The following EPSTI1 variants were observed in gnomAD, a reference collection of about 807,000 sequenced individuals.
EPSTI1 encodes epithelial-stromal interaction protein 1.
In EPSTI1, 66 loss-of-function variants were observed where a neutral mutation model predicts 49.9. That is an observed-to-expected ratio of 1.32 (90% CI 1.08 to 1.62). EPSTI1 has a LOEUF of 1.62. EPSTI1 is among the 40% of genes most tolerant of loss of function. The pLI, the probability that EPSTI1 is intolerant of heterozygous loss-of-function variation, is 0.00. For synonymous variants in EPSTI1, 137 were observed against 130.7 expected, an observed-to-expected ratio of 1.05 and a Z score of -0.33; for missense variants, 394 against 365.5, an observed-to-expected ratio of 1.08 and a Z score of -0.64.
At chr13:42,898,454 T>C (rs2037259265) in intron 9 of EPSTI1, among the ~76,000 whole-genome samples, 1 of 152,182 alleles carries the variant, frequency 6.6e-6, no homozygotes, top group Non-Finnish European at 1.5e-5. Context: ...GAGCATAAAA[T>C]ATATATTTAA....
chr13:42,946,393 C>A (rs1023165153), intron 6 of EPSTI1, among the ~76,000 whole-genome samples: 3 of 152,120 alleles, frequency 2.0e-5, no homozygotes, highest in African/African-American at 7.2e-5. Context: ...GCTTTTCCAA[C>A]TGAGGTTTTT....
chr13:42,974,953 AC>A (rs1839551841), intron 1 of EPSTI1, among the ~76,000 whole-genome samples: 1 of 152,200 alleles, frequency 6.6e-6, no homozygotes, highest in Non-Finnish European at 1.5e-5. Flanking sequence ...TAAGTGAAAA[AC>A]ATAATTTCAA....
chr13:42,978,755 A>T (rs1437662857), intron 1 of EPSTI1, among the ~76,000 whole-genome samples: 2 of 152,200 alleles, frequency 1.3e-5, no homozygotes, highest in East Asian at 3.8e-4. Flanking sequence ...CATCTATTGC[A>T]TTGTATGTAA....
At chr13:42,925,193 C>T (rs1940637341) in intron 7 of EPSTI1, among the ~76,000 whole-genome samples, 1 of 152,168 alleles carries the variant, frequency 6.6e-6, no homozygotes, top group Non-Finnish European at 1.5e-5. Flanking sequence ...ATACAGAAGC[C>T]TTGGGGGGCC....
At chr13:42,979,895 C>T (rs2039957076) in intron 1 of EPSTI1, among the ~76,000 whole-genome samples, 1 of 151,922 alleles carries the variant, frequency 6.6e-6, no homozygotes, top group Non-Finnish European at 1.5e-5. Flanking sequence ...AAATTGTTTC[C>T]ATTTTAATAT....
At chr13:42,889,539 A>G (rs1392313408) in intron 10 of EPSTI1, among the ~76,000 whole-genome samples, 1 of 152,154 alleles carries the variant, frequency 6.6e-6, no homozygotes, top group African/African-American at 2.4e-5. Context: ...CTGTGAATTG[A>G]GGCATAGCTT....
intron 1 of EPSTI1, among the ~76,000 whole-genome samples, chr13:42,974,463 C>A (rs2039836835): frequency 6.6e-6 from 1 of 152,114 alleles, no homozygotes; most frequent in South Asian, 2.1e-4. Flanking sequence ...TGAGACCATC[C>A]TGGCTAACAC....
At chr13:42,984,155 T>C (rs975756558) in intron 1 of EPSTI1, among the ~76,000 whole-genome samples, 3 of 152,216 alleles carry the variant, frequency 2.0e-5, no homozygotes, top group Non-Finnish European at 4.4e-5. Flanking sequence ...ACCATCTATA[T>C]TGAGCCATCA....
intron 5 of EPSTI1, among the ~76,000 whole-genome samples, chr13:42,955,877 T>TGGG (rs57603932): frequency 2.7e-3 from 285 of 105,380 alleles, no homozygotes; most frequent in African/African-American, 0.012. Flanking sequence ...AAGAAGTATT[T>TGGG]GGGGGGGGGG....
At chr13:42,890,145 A>G (rs987153875) in intron 10 of EPSTI1, among the ~76,000 whole-genome samples, 1 of 152,166 alleles carries the variant, frequency 6.6e-6, no homozygotes, top group African/African-American at 2.4e-5. Context: ...TTTAGGAGTG[A>G]ATTGGTTACT....
At chr13:42,893,669 T>C (rs2153408748) in intron 10 of EPSTI1, among the ~76,000 whole-genome samples, 1 of 152,288 alleles carries the variant, frequency 6.6e-6, no homozygotes, top group East Asian at 1.9e-4. Flanking sequence ...CTATGCAATA[T>C]CCATTTATGC....
chr13:42,902,627 C>T (rs768135595), intron 8 of EPSTI1, among the ~76,000 whole-genome samples: 1 of 151,964 alleles, frequency 6.6e-6, no homozygotes, highest in African/African-American at 2.4e-5. Context: ...AACCAGAAAA[C>T]CTTAATATTT....
intron 7 of EPSTI1, among the ~76,000 whole-genome samples, chr13:42,924,758 T>C (rs2038120788): frequency 6.6e-6 from 1 of 152,194 alleles, no homozygotes; most frequent in Non-Finnish European, 1.5e-5. Context: ...CTGATGAATT[T>C]AGACTTTAGA....
chr13:42,901,644 T>C (rs1815020715), intron 8 of EPSTI1, among the ~76,000 whole-genome samples: 2 of 152,214 alleles, frequency 1.3e-5, no homozygotes, highest in Non-Finnish European at 2.9e-5. Flanking sequence ...TACTACCAAG[T>C]ATACCAATGT....
chr13:42,936,688 T>A (rs910081598), intron 6 of EPSTI1, among the ~76,000 whole-genome samples: 1 of 152,232 alleles, frequency 6.6e-6, no homozygotes, highest in Non-Finnish European at 1.5e-5. Context: ...TATATTTACA[T>A]GCTAATATAA....
chr13:42,989,776 G>T (rs1182775792), intron 1 of EPSTI1, among the ~76,000 whole-genome samples: 1 of 151,262 alleles, frequency 6.6e-6, no homozygotes, highest in Non-Finnish European at 1.5e-5. Flanking sequence ...TGTATTTTTA[G>T]TAGAGACGGG....
At chr13:42,990,431 GAAATAAATGGTTGTATCT>G (rs1444595525) in intron 1 of EPSTI1, among the ~76,000 whole-genome samples, 1 of 152,168 alleles carries the variant, frequency 6.6e-6, no homozygotes, top group Non-Finnish European at 1.5e-5. Flanking sequence ...TATGAGCTTA[GAAATAAATGGTTGTATCT>G]AAATAAATGC....
intron 7 of EPSTI1, among the ~76,000 whole-genome samples, chr13:42,920,429 A>G (rs1365276622): frequency 6.6e-6 from 1 of 152,216 alleles, no homozygotes; most frequent in Non-Finnish European, 1.5e-5. Flanking sequence ...AGAGGAAAAG[A>G]GCAAACCTGA....
intron 6 of EPSTI1, among the ~76,000 whole-genome samples, chr13:42,932,381 T>C (rs184861672): frequency 2.6e-5 from 4 of 152,264 alleles, no homozygotes; most frequent in Admixed American, 2.0e-4. Context: ...ACATTCCTAT[T>C]TATCTCGGTC....
Sources: allele counts gnomAD v4.1 joint callset (sites outside exome capture counted in the v4.1 genomes callset), GRCh38; gene constraint gnomAD v4.1.1; transcripts MANE v1.5; gene names NCBI Gene and HGNC (gene_info 2026-07-23, HGNC 2026-07-21).